Variants in MEI1 observed in about 807,000 individuals in gnomAD.
The protein encoded by MEI1 is meiosis inhibitor protein 1.
MEI1 carries 103 observed loss-of-function variants against 146.2 expected under a neutral mutation model. The ratio of observed to expected loss-of-function variants is 0.70; its 90% CI spans 0.60 to 0.83. The LOEUF (loss-of-function observed/expected upper bound fraction) is 0.83, where lower values mean the gene tolerates loss of function less well. MEI1 is among the 40% of genes least tolerant of loss of function. MEI1 has a pLI of 0.00. For missense variants in MEI1, 1,529 were observed against 1,533.0 expected (o/e 1.00, Z 0.04); for synonymous variants, 652 against 628.2 (o/e 1.04, Z -0.57).
At chr22:41,747,196 CTG>C (rs2073363867) in intron 14 of MEI1, 1 of 150,932 alleles carries the variant, frequency 6.6e-6, no homozygotes, top group Non-Finnish European at 1.5e-5. Context: ...CAAGGGCACA[CTG>C]TGGTGGCTAT....
intron 7 of MEI1, among the ~76,000 whole-genome samples, chr22:41,728,189 A>C (rs1184012237): frequency 6.6e-6 from 1 of 152,190 alleles, no homozygotes; most frequent in African/African-American, 2.4e-5. Flanking sequence ...ACACAGTTCA[A>C]GCCTGTGTTG....
intron 19 of MEI1, 111 bp downstream of exon 19, chr22:41,763,432 C>A: frequency 1.6e-6 from 2 of 1,241,288 alleles, no homozygotes; most frequent in Non-Finnish European, 2.3e-6. Flanking sequence ...TAGAGAGAGA[C>A]AAAGCGGAGG....
intron 11 of MEI1, among the ~76,000 whole-genome samples, chr22:41,740,054 CTG>C (rs545042019): frequency 7.9e-4 from 120 of 151,868 alleles, no homozygotes; most frequent in Admixed American, 3.1e-3. Flanking sequence ...GAGTCTCGCT[CTG>C]TTGCTCAGGC....
intron 13 of MEI1, 141 bp from the exon 14 acceptor site, chr22:41,745,744 T>C (rs1008674445): frequency 3.9e-5 from 30 of 766,222 alleles, no homozygotes; most frequent in Middle Eastern, 3.2e-4. Context: ...TTGTGGTCTA[T>C]TGAATTTTCT....
intron 7 of MEI1, among the ~76,000 whole-genome samples, chr22:41,729,399 T>C (rs138712927): frequency 1.3e-5 from 2 of 152,298 alleles, no homozygotes; most frequent in East Asian, 3.9e-4. Context: ...TGAGCACTTA[T>C]TGGTGATAAC....
At chr22:41,777,183 TCTCA>T (rs1303474122) in intron 21 of MEI1, among the ~76,000 whole-genome samples, 1 of 143,948 alleles carries the variant, frequency 6.9e-6, no homozygotes, top group Non-Finnish European at 1.5e-5. Context: ...TGAGAGAGGG[TCTCA>T]CTCTGTCGTT....
intron 15 of MEI1, among the ~76,000 whole-genome samples, chr22:41,748,969 A>AT (rs2073542024): frequency 2.0e-5 from 3 of 151,672 alleles, no homozygotes; most frequent in South Asian, 4.2e-4. Flanking sequence ...CGCCCGGCTA[A>AT]TTTTTTTGTA....
intron 19 of MEI1, among the ~76,000 whole-genome samples, chr22:41,769,885 A>G (rs1448012243): frequency 6.6e-6 from 1 of 151,908 alleles, no homozygotes; most frequent in Non-Finnish European, 1.5e-5. Context: ...CTGTAATCCC[A>G]GCACTTTAGG....
intron 22 of MEI1, among the ~76,000 whole-genome samples, chr22:41,780,581 C>CTTT (rs1245310767): frequency 7.4e-6 from 1 of 134,318 alleles, no homozygotes; most frequent in Non-Finnish European, 1.6e-5. Context: ...TTTTTCTTTT[C>CTTT]TTTTTTTTTT....
intron 2 of MEI1, among the ~76,000 whole-genome samples, chr22:41,705,199 A>T (rs796100945): frequency 7.7e-4 from 108 of 139,422 alleles, no homozygotes; most frequent in African/African-American, 2.5e-3. Context: ...TTTTCTTGAG[A>T]CAGTCTGTGT....
intron 15 of MEI1, among the ~76,000 whole-genome samples, chr22:41,750,471 G>A (rs2073674629): frequency 6.6e-6 from 1 of 152,208 alleles, no homozygotes; most frequent in Non-Finnish European, 1.5e-5. Flanking sequence ...GGTTGGAATG[G>A]AAGCCAGACC....
chr22:41,747,122 C>T (rs1203885171), intron 14 of MEI1, among the ~76,000 whole-genome samples: 1 of 151,964 alleles, frequency 6.6e-6, no homozygotes, highest in Non-Finnish European at 1.5e-5. Flanking sequence ...AGAACAGTGC[C>T]TCTGAGGACC....
chr22:41,725,117 TA>T (rs1455349423), intron 7 of MEI1, among the ~76,000 whole-genome samples: 2 of 148,398 alleles, frequency 1.3e-5, no homozygotes, highest in African/African-American at 2.6e-5. Context: ...TGTAAATTAT[TA>T]TTATTTTTTT....
chr22:41,771,526 C>T (rs1358910726), intron 20 of MEI1, among the ~76,000 whole-genome samples: 1 of 152,120 alleles, frequency 6.6e-6, no homozygotes, highest in African/African-American at 2.4e-5. Flanking sequence ...ACCTCCACCT[C>T]CCGGGTTCAC....
chr22:41,785,825 A>C (rs1164558670), intron 26 of MEI1, among the ~76,000 whole-genome samples: 1 of 151,658 alleles, frequency 6.6e-6, no homozygotes, highest in Admixed American at 6.6e-5. Context: ...CAGCCTCTCA[A>C]AGTGCTGGGA....
At chr22:41,793,709 A>G (rs2076271639) in intron 26 of MEI1, 120 bp from the exon 27 acceptor site, 1 of 838,452 alleles carries the variant, frequency 1.2e-6, no homozygotes, top group Non-Finnish European at 1.8e-6. Context: ...ACAGGGCTAT[A>G]ATCCCAAATC....
At position 41,776,234 on chromosome 22, in the gene MEI1, C is replaced by T. The variant is rs2075430809; in HGVS notation, c.2677C>T (p.Leu893=). The change falls in exon 21 of 31, where the codon CTG becomes TTG. Residue 893 remains leucine (L), a synonymous_variant. Transcript: ENST00000401548. ...CCACTTCCTGCTGATCCTGCAGCGT[C>T]TGCTAGTGGAGCATGGGGCATCCCC... ...RGHFLLILQR[L]LVEHGASPSG... is the part of the protein sequence containing the mutation. 1.2e-6 allele frequency: 2 copies of T among 1,613,760 alleles called. No individual in the cohort carries two copies. The highest frequency in any genetic ancestry group is 2.2e-5 in the South Asian group (2 of 91,082).
At chr22:41,707,664 T>C (rs2069197303) in intron 3 of MEI1, among the ~76,000 whole-genome samples, 1 of 152,016 alleles carries the variant, frequency 6.6e-6, no homozygotes, top group Non-Finnish European at 1.5e-5. Context: ...GTTAAGGGGA[T>C]ACTTACATGA....
intron 11 of MEI1, among the ~76,000 whole-genome samples, chr22:41,740,147 G>C (rs556417816): frequency 6.6e-6 from 1 of 152,102 alleles, no homozygotes; most frequent in Non-Finnish European, 1.5e-5. Flanking sequence ...AGCCTCGCGA[G>C]TAGCTGGGAC....
Sources: gnomAD v4.1 joint callset for allele counts (sites outside exome capture counted in the v4.1 genomes callset) on GRCh38, gnomAD v4.1.1 for gene constraint, MANE v1.5 for transcripts, NCBI Gene and HGNC (gene_info 2026-07-23, HGNC 2026-07-21) for gene names.